The following WNT7A variants were observed in gnomAD, a reference collection of about 807,000 sequenced individuals.
The protein encoded by WNT7A is Wnt family member 7A, also known as protein Wnt-7a.
Under a neutral mutation model 28.2 loss-of-function variants are expected in WNT7A, and 16 were observed. That is an observed-to-expected ratio of 0.57 (90% confidence interval 0.38 to 0.86). The LOEUF is 0.86. WNT7A is among the 40% of genes least tolerant of loss of function. WNT7A has a pLI of 0.00. For synonymous variants in WNT7A, 190 were observed against 195.9 expected (o/e 0.97, Z 0.25); for missense variants, 411 against 489.7 (o/e 0.84, Z 1.52).
intron 1 of WNT7A, 26 bp from the exon 2 acceptor site, chr3:13,875,199 G>C: frequency 6.2e-7 from 1 of 1,612,678 alleles, no homozygotes; most frequent in African/African-American, 1.3e-5. Context: ...CAGAGAGATG[G>C]AGCATTAGGC....
chr3:13,862,975 T>A (rs1324341709), intron 2 of WNT7A, among the ~76,000 whole-genome samples: 1 of 152,186 alleles, frequency 6.6e-6, no homozygotes, highest in Non-Finnish European at 1.5e-5. Context: ...TGGGTTCACA[T>A]CCTGACCCCC....
At chr3:13,825,626 C>A (rs1694181576) in intron 3 of WNT7A, among the ~76,000 whole-genome samples, 1 of 152,198 alleles carries the variant, frequency 6.6e-6, no homozygotes, top group Non-Finnish European at 1.5e-5. Flanking sequence ...TTCCAACACA[C>A]CACTGGCCTG....
intron 2 of WNT7A, 73 bp from the exon 3 acceptor site, chr3:13,854,876 G>T: frequency 1.3e-6 from 2 of 1,584,630 alleles, no homozygotes; most frequent in South Asian, 1.1e-5. Flanking sequence ...GGGCCTGACT[G>T]AAGAGTGAGG....
In WNT7A at chr3:13,856,975, A is replaced by G. The variant is rs56313210; in HGVS notation, c.299-2172T>C. Among the ~76,000 whole-genome samples the G allele has an allele frequency of 7.2e-3, 692 of 96,042 alleles. 4 individuals are homozygous for G. The highest frequency in any genetic ancestry group is 0.012 in the African/African-American group (194 of 16,464). The allele number at this position is 96,042 out of a possible 152,430, so 63.0% of individuals were successfully genotyped here. A position where few individuals can be genotyped will look rare whatever the true frequency, so the allele number is the denominator to read the frequency against. On this transcript the variant is annotated intron_variant, in intron 2 of 3. Transcript: ENST00000285018. ...GAAGAAGAAGAAGAAGAAGGAGAAG[A>G]AGAAGAAGAAGGAGAAGAAGAAGAA...
At chr3:13,833,763 G>A (rs989185306) in intron 3 of WNT7A, among the ~76,000 whole-genome samples, 80 of 152,342 alleles carry the variant, frequency 5.3e-4, no homozygotes, top group African/African-American at 1.8e-3. Context: ...CTGACAGCGG[G>A]GACATGGAGC....
At chr3:13,840,103 CTT>C (rs1274437038) in intron 3 of WNT7A, among the ~76,000 whole-genome samples, 1 of 152,228 alleles carries the variant, frequency 6.6e-6, no homozygotes, top group African/African-American at 2.4e-5. Context: ...ACACTGGCCT[CTT>C]TGCCTCTGGG....
intron 2 of WNT7A, among the ~76,000 whole-genome samples, chr3:13,868,487 C>T (rs868113515): frequency 6.4e-5 from 7 of 109,612 alleles, no homozygotes; most frequent in Admixed American, 4.3e-4. Flanking sequence ...AAGGAAAGAA[C>T]GAAAGAAAGA....
At chr3:13,829,677 G>A (rs1296398045) in intron 3 of WNT7A, among the ~76,000 whole-genome samples, 1 of 152,174 alleles carries the variant, frequency 6.6e-6, no homozygotes, top group African/African-American at 2.4e-5. Context: ...GCAACACAGG[G>A]GGATCTCGGA....
chr3:13,875,751 G>T (rs905563483), intron 1 of WNT7A, among the ~76,000 whole-genome samples: 3 of 152,176 alleles, frequency 2.0e-5, no homozygotes, highest in Non-Finnish European at 4.4e-5. Flanking sequence ...GTAAGTAGAA[G>T]TCCTGGCATT....
At chr3:13,858,570 C>A (rs1302125587) in intron 2 of WNT7A, among the ~76,000 whole-genome samples, 1 of 152,006 alleles carries the variant, frequency 6.6e-6, no homozygotes, top group Non-Finnish European at 1.5e-5. Flanking sequence ...GCACATTTCA[C>A]CCCCCCGAGC....
intron 3 of WNT7A, among the ~76,000 whole-genome samples, chr3:13,836,717 G>C (rs1412797138): frequency 6.6e-6 from 1 of 152,224 alleles, no homozygotes; most frequent in Non-Finnish European, 1.5e-5. Context: ...CCAAAATAAA[G>C]GCCTGTATGT....
intron 2 of WNT7A, among the ~76,000 whole-genome samples, chr3:13,870,800 T>C (rs746561341): frequency 8.5e-5 from 13 of 152,238 alleles, no homozygotes; most frequent in Non-Finnish European, 1.6e-4. Flanking sequence ...GGTTGCCGGA[T>C]GCCAACGCTA....
At position 13,834,457 on chromosome 3, in the gene WNT7A, G is replaced by A. The variant is rs1184717206; in HGVS notation, c.571-15034C>T. Among the ~76,000 whole-genome samples, 12 of 151,986 alleles carry A rather than the reference G, an allele frequency of 7.9e-5. No homozygotes were observed. In the East Asian group the frequency reaches 1.4e-3, roughly 17 times the overall value. ...GTGGGTTGGGTGCGTGCTGGGAGTC[G>A]GGTGTACGGGGCTCCTTTTACTGTT... is the stretch of plus-strand genomic sequence containing the variant. On this transcript the variant is annotated intron_variant, in intron 3 of 3. Coordinates refer to ENST00000285018, the MANE Select transcript of WNT7A (RefSeq NM_004625.4).
intron 3 of WNT7A, 65 bp downstream of exon 3, chr3:13,854,467 T>C: frequency 1.2e-6 from 2 of 1,610,192 alleles, no homozygotes; most frequent in Non-Finnish European, 1.7e-6. Context: ...GCACCAGATG[T>C]TACAAACAAG....
chr3:13,818,416 C>T lies in WNT7A; in HGVS notation c.*528G>A, dbSNP rs985225356. 3 of 137,534 alleles carry T rather than the reference C, an allele frequency of 2.2e-5. No individual in the cohort carries two copies. The highest frequency in any genetic ancestry group is 4.5e-5 in the Non-Finnish European group (3 of 66,024). The allele number at this position is 137,534 out of a possible 1,614,324, so 8.5% of individuals were successfully genotyped here. ...TGCATAAAAGATGTCTCCTCTTGTA[C>T]TTAAACATCTAGTGCTGCAAGGTGG... is the stretch of plus-strand genomic sequence containing the variant. On this transcript the variant is annotated 3_prime_UTR_variant, in exon 4 of 4. Coordinates refer to ENST00000285018, the MANE Select transcript of WNT7A (RefSeq NM_004625.4).
chr3:13,818,974 G>A lies in WNT7A; in HGVS notation c.1020C>T (p.Ser340=). 2 of 1,594,634 alleles carry A rather than the reference G, an allele frequency of 1.3e-6. No individual in the cohort carries two copies. The highest frequency in any genetic ancestry group is 1.7e-6 in the Non-Finnish European group (2 of 1,166,114). Reference sequence around the variant, plus strand: ...TGCACGTGTACATCTCCGTGCGCTCGCTGCACGTGTTGCACTTGACATAGC... The same window carrying A: ...TGCACGTGTACATCTCCGTGCGCTCACTGCACGTGTTGCACTTGACATAGC... ...WCCYVKCNTC[S]ERTEMYTCK The change falls in exon 4 of 4, where the codon AGC becomes AGT. Residue 340 remains serine (S), a synonymous_variant. Coordinates refer to ENST00000285018, the MANE Select transcript of WNT7A (RefSeq NM_004625.4).
At chr3:13,835,507 G>C (rs1026874736) in intron 3 of WNT7A, among the ~76,000 whole-genome samples, 6 of 152,240 alleles carry the variant, frequency 3.9e-5, no homozygotes, top group African/African-American at 1.4e-4. Context: ...CCTGGCTCTG[G>C]CCACCCCCAT....
At chr3:13,856,556 G>A (rs1042652401) in intron 2 of WNT7A, among the ~76,000 whole-genome samples, 3 of 152,118 alleles carry the variant, frequency 2.0e-5, no homozygotes, top group Non-Finnish European at 4.4e-5. Context: ...GGTGGCTTAC[G>A]CCTGTAATCC....
At chr3:13,871,605 C>T (rs1225262456) in intron 2 of WNT7A, among the ~76,000 whole-genome samples, 2 of 151,568 alleles carry the variant, frequency 1.3e-5, no homozygotes, top group Non-Finnish European at 2.9e-5. Context: ...AGTTTGTCAC[C>T]CTCCCTTCTT....
Sources: allele counts gnomAD v4.1 joint callset (sites outside exome capture counted in the v4.1 genomes callset), GRCh38; gene constraint gnomAD v4.1.1; transcripts MANE v1.5; gene names NCBI Gene and HGNC (gene_info 2026-07-23, HGNC 2026-07-21).